The following DOK4 variants were observed in gnomAD, a reference collection of about 807,000 sequenced individuals.
The protein encoded by DOK4 is downstream of tyrosine kinase 4.
DOK4 carries 26 observed loss-of-function variants against 40.1 expected under a neutral mutation model. The ratio of observed to expected loss-of-function variants is 0.65; its 90% CI spans 0.48 to 0.90. DOK4 has a LOEUF of 0.90. DOK4 is among the 40% of genes least tolerant of loss of function. The pLI is 0.00. For synonymous variants in DOK4, 179 were observed against 177.0 expected (o/e 1.01, Z -0.09); for missense variants, 392 against 437.2 (o/e 0.90, Z 0.92).
chr16:57,478,850 A>C (rs1259129736), intron 2 of DOK4, among the ~76,000 whole-genome samples: 1 of 150,920 alleles, frequency 6.6e-6, no homozygotes, highest in East Asian at 1.9e-4. Flanking sequence ...CATAAATATC[A>C]GCTTCAGTGC....
exon 7 of DOK4, chr16:57,473,973 G>C (rs560352516): frequency 5.6e-6 from 9 of 1,613,868 alleles, no homozygotes; most frequent in Non-Finnish European, 7.6e-6. Flanking sequence ...CACTGTGGAC[G>C]CGCTGGTAAA....
exon 9 of DOK4, chr16:57,473,389 G>A (rs753285076): frequency 2.5e-6 from 4 of 1,613,528 alleles, no homozygotes; most frequent in Non-Finnish European, 3.4e-6. Context: ...ACTGGGATGG[G>A]GTCTTGGCCT....
chr16:57,480,466 G>C (rs2146659860), intron 1 of DOK4: 1 of 153,178 alleles, frequency 6.5e-6, no homozygotes, highest in South Asian at 2.1e-4. Context: ...TGGGCCGGCT[G>C]GAGGTAGCCA....
chr16:57,480,497 C>A (rs757519159), intron 1 of DOK4: 8 of 153,270 alleles, frequency 5.2e-5, no homozygotes, highest in Non-Finnish European at 1.0e-4. Context: ...AGACGCCTTG[C>A]CCTGGCCCTG....
exon 9 of DOK4, chr16:57,473,153 A>C (rs746934366): frequency 1.9e-5 from 11 of 587,736 alleles, no homozygotes; most frequent in Non-Finnish European, 3.0e-5. Context: ...TAAAATCATT[A>C]ACAGTATATA....
At chr16:57,472,020 C>T (rs568492670) in exon 9 of DOK4, 1 of 152,924 alleles carries the variant, frequency 6.5e-6, no homozygotes, top group South Asian at 2.1e-4. Context: ...CTTCATGCGT[C>T]ATCGTGCCAC....
intron 1 of DOK4, among the ~76,000 whole-genome samples, chr16:57,481,215 T>C (rs965510901): frequency 2.1e-4 from 32 of 152,118 alleles, no homozygotes; most frequent in Non-Finnish European, 2.2e-4. Context: ...ACTACCCCAG[T>C]GGGCACACGC....
intron 6 of DOK4, among the ~76,000 whole-genome samples, chr16:57,474,480 C>A (rs1475844988): frequency 6.6e-6 from 1 of 152,148 alleles, no homozygotes; most frequent in Non-Finnish European, 1.5e-5. Flanking sequence ...AGGTTAGGTA[C>A]TTTATTATCC....
At chr16:57,483,234 G>A (rs72789748) in intron 1 of DOK4, among the ~76,000 whole-genome samples, 5,265 of 152,292 alleles carry the variant, frequency 0.035, 199 homozygotes, top group East Asian at 0.18. Context: ...GTGGTGAGGG[G>A]GGGGCCCAGA....
exon 9 of DOK4, chr16:57,473,247 A>G: frequency 7.2e-7 from 1 of 1,383,536 alleles, no homozygotes; most frequent in Non-Finnish European, 9.5e-7. Context: ...CCTTGGGGGC[A>G]AGGAGGGGGC....
At position 57,484,708 on chromosome 16, in the gene DOK4, G is replaced by A. The variant is rs147882668; in HGVS notation, c.-182+1597C>T. On this transcript the variant is annotated intron_variant, in intron 1 of 8. Transcript: ENST00000340099. ...CACCTACAACATTGTTCCCTCACAT[G>A]CTCATGGTTCATTCCATTGCTTCAT... 2.4e-3 allele frequency among the ~76,000 whole-genome samples: 359 copies of A among 152,188 alleles called. 3 individuals are homozygous for A. The Middle Eastern group carries it at 0.041, about 17-fold the overall frequency.
chr16:57,479,488 T>C lies in DOK4; in HGVS notation c.20A>G (p.Asp7Gly). ...CTTCACGTAGCCTTGCTTGACGATG[T>C]CACTGAAATTGGTCGCCATGGTTTT... The change falls in exon 2 of 9, where the codon GAC (aspartate) becomes GGC (glycine). Residue 7 changes from aspartate (D) to glycine (G), a missense_variant. Coordinates refer to ENST00000340099, the Ensembl canonical transcript of DOK4. This position sits in a 1 kb window ranked among gnomAD's most constrained non-coding sequence, Gnocchi z 5.8. 1 of 1,613,788 alleles carries C rather than the reference T, an allele frequency of 6.2e-7. No individual in the cohort carries two copies. The highest frequency in any genetic ancestry group is 1.1e-5 in the South Asian group (1 of 91,062).
exon 9 of DOK4, chr16:57,473,258 A>G (rs2030953261): frequency 7.0e-7 from 1 of 1,418,850 alleles, no homozygotes; most frequent in Non-Finnish European, 9.3e-7. Context: ...AGGAGGGGGC[A>G]GCTTGCTCCC....
At chr16:57,474,535 C>T (rs1214055386) in intron 6 of DOK4, among the ~76,000 whole-genome samples, 1 of 152,230 alleles carries the variant, frequency 6.6e-6, no homozygotes, top group Non-Finnish European at 1.5e-5. Flanking sequence ...TAGTAAGTGC[C>T]TGAACCTGCA....
intron 4 of DOK4, 70 bp downstream of exon 4, chr16:57,475,436 C>T: frequency 1.4e-5 from 21 of 1,463,828 alleles, no homozygotes; most frequent in Admixed American, 3.8e-5. Context: ...CTGCTCTGCC[C>T]GCTCCTAGCT....
chr16:57,480,996 T>C (rs1004040429), intron 1 of DOK4, among the ~76,000 whole-genome samples: 1 of 152,152 alleles, frequency 6.6e-6, no homozygotes, highest in African/African-American at 2.4e-5. Context: ...CTGCCATCCA[T>C]CCTCGGGGGC....
chr16:57,473,817 C>T (rs1436032363), intron 7 of DOK4, 81 bp from the exon 8 acceptor site: 1 of 1,594,068 alleles, frequency 6.3e-7, no homozygotes, highest in African/African-American at 1.3e-5. Flanking sequence ...TACCTGCCTC[C>T]ACTGTGTACC....
Position 57,475,958 on chromosome 16 carries a change from C to G in DOK4, c.67-1G>C, listed in dbSNP as rs1411853781. 3 of 1,611,794 alleles carry G rather than the reference C, an allele frequency of 1.9e-6. No homozygotes were observed. The highest frequency in any genetic ancestry group is 2.5e-6 in the Non-Finnish European group (3 of 1,179,196). ...ACACCAGCCAGCACCTCCGGTAGAT[C>G]TGTGGAGCGAGATGACAGGGCTCAG... On this transcript the variant is annotated splice_acceptor_variant, in intron 2 of 8. Coordinates refer to ENST00000340099, the Ensembl canonical transcript of DOK4. LOFTEE classifies it high-confidence loss of function.
At chr16:57,473,720 G>C (rs147737584) in exon 8 of DOK4, 1 of 1,611,650 alleles carries the variant, frequency 6.2e-7, no homozygotes, top group African/African-American at 1.3e-5. Context: ...GTAATGTTCC[G>C]TGCCCTTGTT....
Sources: allele counts gnomAD v4.1 joint callset (sites outside exome capture counted in the v4.1 genomes callset), GRCh38; gene constraint gnomAD v4.1.1; non-coding constraint Gnocchi (gnomAD v3.1); transcripts MANE v1.5; gene names NCBI Gene and HGNC (gene_info 2026-07-23, HGNC 2026-07-21).